Variants in LRRD1 observed in about 807,000 individuals in gnomAD.
LRRD1 encodes leucine rich repeats and death domain containing 1, also known as leucine-rich repeat and death domain-containing protein 1.
In LRRD1, 49 loss-of-function variants were observed where a neutral mutation model predicts 69.5. That is an observed-to-expected ratio of 0.70 (90% CI 0.56 to 0.89). The LOEUF (loss-of-function observed/expected upper bound fraction) is 0.89, where lower values mean the gene tolerates loss of function less well. Among genes scored for constraint, LRRD1 ranks in the 40% least tolerant of loss-of-function variants. The pLI, the probability that LRRD1 is intolerant of heterozygous loss-of-function variation, is 0.00. For synonymous variants in LRRD1, 303 were observed against 338.9 expected (o/e 0.89, Z 1.16); for missense variants, 853 against 956.0 (o/e 0.89, Z 1.42).
intron 4 of LRRD1, among the ~76,000 whole-genome samples, chr7:92,149,745 C>A (rs539014697): frequency 6.6e-6 from 1 of 152,182 alleles, no homozygotes; most frequent in East Asian, 1.9e-4. Flanking sequence ...GAGACAAGGT[C>A]ACACACTATG....
intron 3 of LRRD1, among the ~76,000 whole-genome samples, chr7:92,151,159 G>T (rs1452139759): frequency 6.6e-6 from 1 of 151,946 alleles, no homozygotes; most frequent in Non-Finnish European, 1.5e-5. Flanking sequence ...AGATTTTTTT[G>T]GATTCATTAG....
chr7:92,155,888 G>A (rs1278567204), intron 3 of LRRD1, among the ~76,000 whole-genome samples: 1 of 152,226 alleles, frequency 6.6e-6, no homozygotes, highest in Non-Finnish European at 1.5e-5. Flanking sequence ...ATGGGAGATA[G>A]ATGGAGGCCA....
chr7:92,142,544 G>C, downstream of LRRD1: 1 of 456,566 alleles, frequency 2.2e-6, no homozygotes, highest in Non-Finnish European at 4.4e-6. Context: ...AAGTCAAATT[G>C]TGTCCGGAAT....
intron 4 of LRRD1, 113 bp from the exon 5 acceptor site, chr7:92,146,313 G>A (rs143444353): frequency 3.3e-6 from 2 of 598,340 alleles, no homozygotes; most frequent in African/African-American, 1.9e-5. Flanking sequence ...TATATGTTAA[G>A]TAAAACTGAA....
intron 1 of LRRD1, among the ~76,000 whole-genome samples, chr7:92,175,049 G>A (rs1466257794): frequency 6.6e-6 from 1 of 151,978 alleles, no homozygotes; most frequent in African/African-American, 2.4e-5. Context: ...TGAGCAACAA[G>A]AGTGAAATTC....
chr7:92,162,528 C>T (rs1788812451), intron 2 of LRRD1, among the ~76,000 whole-genome samples: 1 of 152,114 alleles, frequency 6.6e-6, no homozygotes, highest in Non-Finnish European at 1.5e-5. Context: ...TTCCATAAAA[C>T]TTACTCCTAG....
Position 92,163,490 on chromosome 7 carries a change from G to A in LRRD1, c.1713C>T (p.Phe571=). 6.5e-7 allele frequency: 1 copy of A among 1,527,764 alleles called. No homozygotes were observed. The highest frequency in any genetic ancestry group is 2.3e-5 in the Admixed American group (1 of 44,432). The allele number at this position is 1,527,764 out of a possible 1,614,324, so 94.6% of individuals were successfully genotyped here. ...LILCCNKFET[F]PRELCTLENL... is the part of the protein sequence containing the mutation. The stretch of plus-strand genomic sequence containing the variant: ...TTTCTAAAGTACACAATTCTCTAGG[G>A]AAAGTTTCAAATTTATTACAGCATA... The change falls in exon 2 of 6, where the codon TTC becomes TTT. Residue 571 remains phenylalanine (F), a synonymous_variant. Transcript: ENST00000458448.
At chr7:92,178,781 A>C (rs1789252616) in intron 1 of LRRD1, 1 of 152,240 alleles carries the variant, frequency 6.6e-6, no homozygotes, top group Non-Finnish European at 1.5e-5. Flanking sequence ...ACAATGGCCC[A>C]ATGTAATTTG....
chr7:92,171,591 A>G (rs1328496706), intron 1 of LRRD1, among the ~76,000 whole-genome samples: 1 of 152,184 alleles, frequency 6.6e-6, no homozygotes, highest in African/African-American at 2.4e-5. Flanking sequence ...ATTCTACCAA[A>G]CATTTAAAAA....
At chr7:92,166,788 G>C (rs1380964060) in intron 1 of LRRD1, among the ~76,000 whole-genome samples, 2 of 151,974 alleles carry the variant, frequency 1.3e-5, no homozygotes, top group East Asian at 3.9e-4. Context: ...TCTGCTAAAG[G>C]GTACCCATAA....
At chr7:92,145,096 A>G in intron 5 of LRRD1, 22 bp from the exon 6 acceptor site, 1 of 1,183,504 alleles carries the variant, frequency 8.4e-7, no homozygotes, top group Non-Finnish European at 1.1e-6. Context: ...TATTAATAAT[A>G]TTAATAGTTA....
chr7:92,148,626 G>A (rs1270451972), intron 4 of LRRD1, among the ~76,000 whole-genome samples: 2 of 152,124 alleles, frequency 1.3e-5, no homozygotes, highest in Non-Finnish European at 2.9e-5. Context: ...CTTGGGTGTA[G>A]GGAAAGGAGA....
chr7:92,171,170 A>C (rs1473656658), intron 1 of LRRD1, among the ~76,000 whole-genome samples: 2 of 152,150 alleles, frequency 1.3e-5, no homozygotes, highest in Non-Finnish European at 2.9e-5. Flanking sequence ...AATTAGTAGA[A>C]GAAAAGAAAT....
chr7:92,175,071 C>T (rs1232745532), intron 1 of LRRD1, among the ~76,000 whole-genome samples: 10 of 151,496 alleles, frequency 6.6e-5, no homozygotes, highest in Admixed American at 6.6e-4. Flanking sequence ...ATCTCAAAAA[C>T]AAAAACAAAA....
At chr7:92,146,763 A>C (rs755876644) in intron 4 of LRRD1, among the ~76,000 whole-genome samples, 4 of 151,460 alleles carry the variant, frequency 2.6e-5, no homozygotes, top group Non-Finnish European at 5.9e-5. Flanking sequence ...TCTACTAAAA[A>C]TACAAAAAAT....
At position 92,146,214 on chromosome 7, in the gene LRRD1, TAA is replaced by T; in HGVS notation, c.2279-16_2279-15del. 8.3e-7 allele frequency: 1 copy of T among 1,209,176 alleles called. No homozygotes were observed. The highest frequency in any genetic ancestry group is 1.5e-5 in the South Asian group (1 of 68,898). The allele number at this position is 1,209,176 out of a possible 1,614,324, so 74.9% of individuals were successfully genotyped here. A position where few individuals can be genotyped will look rare whatever the true frequency, so the allele number is the denominator to read the frequency against. On this transcript the variant is annotated splice_polypyrimidine_tract_variant and intron_variant, in intron 4 of 5. Transcript: ENST00000458448. ...CTAAAATTTTCTCTACGTTTGAACA[TAA>T]AATAAAATGTATATCTTTTGAAAAA...
At position 92,163,427 on chromosome 7, in the gene LRRD1, C is replaced by T. The variant is rs1349372566; in HGVS notation, c.1776G>A (p.Gln592=). 7.1e-6 allele frequency: 11 copies of T among 1,546,108 alleles called. No homozygotes were observed. The highest frequency in any genetic ancestry group is 9.6e-6 in the Non-Finnish European group (11 of 1,145,468). ...QVLDLSENQL[Q]KISSDICNLK... ...AATTACAGATGTCTGAAGAGATTTT[C>T]TGTAATTGGTTTTCCGAAAGATCAA... Residue 592 remains glutamine (Q), a synonymous_variant, in exon 2 of 6, where the codon CAG becomes CAA. Transcript: ENST00000458448.
chr7:92,148,409 G>A (rs931605208), intron 4 of LRRD1, among the ~76,000 whole-genome samples: 5 of 152,148 alleles, frequency 3.3e-5, no homozygotes, highest in Admixed American at 2.0e-4. Flanking sequence ...ACCATCCCGC[G>A]TGATCAAATA....
At chr7:92,151,507 C>A (rs751877717) in intron 3 of LRRD1, among the ~76,000 whole-genome samples, 3 of 152,168 alleles carry the variant, frequency 2.0e-5, no homozygotes, top group Admixed American at 6.5e-5. Flanking sequence ...TGCTAGCATT[C>A]TCCAAGATAA....
Sources: allele counts gnomAD v4.1 joint callset (sites outside exome capture counted in the v4.1 genomes callset), GRCh38; gene constraint gnomAD v4.1.1; transcripts MANE v1.5; gene names NCBI Gene and HGNC (gene_info 2026-07-23, HGNC 2026-07-21).